The following CD96 variants were observed in gnomAD, a reference collection of about 807,000 sequenced individuals.
CD96 encodes CD96 molecule.
In CD96, 70 loss-of-function variants were observed where a neutral mutation model predicts 71.3. That is an observed-to-expected ratio of 0.98 (90% confidence interval 0.81 to 1.20). The LOEUF (loss-of-function observed/expected upper bound fraction) is 1.20, where lower values mean the gene tolerates loss of function less well. CD96 is among the 50% of genes most tolerant of loss of function. CD96 has a pLI of 0.00. For missense variants in CD96, 742 were observed against 677.5 expected (o/e 1.10, Z -1.06); for synonymous variants, 248 against 233.0 (o/e 1.06, Z -0.59).
At chr3:111,570,989 G>A in intron 3 of CD96, 1 of 1,494,458 alleles carries the variant, frequency 6.7e-7, no homozygotes, top group Non-Finnish European at 9.3e-7. Context: ...AAAGCTGGGA[G>A]GGCATCTCCT....
chr3:111,623,395 C>A (rs1341036837), intron 8 of CD96, among the ~76,000 whole-genome samples: 2 of 152,076 alleles, frequency 1.3e-5, no homozygotes, highest in African/African-American at 4.8e-5. Context: ...TGTGAAAATT[C>A]ACTATAAGGT....
At chr3:111,617,847 A>T (rs1008657323) in intron 8 of CD96, among the ~76,000 whole-genome samples, 1 of 152,224 alleles carries the variant, frequency 6.6e-6, no homozygotes, top group Non-Finnish European at 1.5e-5. Context: ...AGAAGGAGAG[A>T]AGAGCTGTGG....
intron 12 of CD96, among the ~76,000 whole-genome samples, chr3:111,639,345 G>C (rs1292340754): frequency 6.6e-6 from 1 of 151,860 alleles, no homozygotes; most frequent in Non-Finnish European, 1.5e-5. Context: ...GGTGAGGCCT[G>C]TGACTGCCGG....
intron 2 of CD96, among the ~76,000 whole-genome samples, chr3:111,550,235 C>A (rs1934628293): frequency 6.6e-6 from 1 of 152,014 alleles, no homozygotes; most frequent in Non-Finnish European, 1.5e-5. Context: ...TATCACCTAA[C>A]AGGAACTGTT....
Position 111,650,072 on chromosome 3 carries a change from T to C in CD96, c.*266T>C, listed in dbSNP as rs1940010369. 1 of 449,912 alleles carries C rather than the reference T, an allele frequency of 2.2e-6. No homozygotes were observed. The highest frequency in any genetic ancestry group is 3.4e-5 in the Admixed American group (1 of 29,354). The allele number at this position is 449,912 out of a possible 1,614,324, so 27.9% of individuals were successfully genotyped here. ...TGCTTATGTAAGAAGTACATATTAG[T>C]CTGCCATCTTTAAAAAAAAATACAG... On this transcript the variant is annotated 3_prime_UTR_variant, in exon 14 of 14. Coordinates refer to ENST00000352690, the MANE Select transcript of CD96 (RefSeq NM_005816.5).
chr3:111,607,678 G>T (rs1937686874), intron 8 of CD96, among the ~76,000 whole-genome samples: 1 of 152,154 alleles, frequency 6.6e-6, no homozygotes, highest in Non-Finnish European at 1.5e-5. Context: ...AATTCCTTTG[G>T]CTGGTAACCT....
chr3:111,620,849 G>T (rs1268014523), intron 8 of CD96, among the ~76,000 whole-genome samples: 3 of 152,186 alleles, frequency 2.0e-5, no homozygotes, highest in Non-Finnish European at 4.4e-5. Flanking sequence ...CCCCCAACAA[G>T]GTCCCTAAAT....
chr3:111,561,953 G>C (rs1433504258), intron 2 of CD96, among the ~76,000 whole-genome samples: 14 of 151,580 alleles, frequency 9.2e-5, no homozygotes, highest in Non-Finnish European at 1.5e-4. Context: ...CAATATTCGG[G>C]TGGGAGTGAC....
rs148037933 is a variant in CD96 at position 111,569,874 on chromosome 3, C to G, written c.543+2227C>G. On this transcript the variant is annotated intron_variant, in intron 3 of 13. Coordinates refer to ENST00000352690, the MANE Select transcript of CD96 (RefSeq NM_005816.5). ...ACCCCCAATCCAGATGACCCACTTT[C>G]CTCCGAAGGGGGACGTTTAGGTCCT... 2.5e-3 allele frequency among the ~76,000 whole-genome samples: 381 copies of G among 152,356 alleles called. 1 individual carries two copies. Among genetic ancestry groups the G allele is most frequent in the African/African-American group, 8.7e-3 (362 of 41,582 alleles).
chr3:111,622,887 C>A (rs180960692), intron 8 of CD96, among the ~76,000 whole-genome samples: 2 of 152,176 alleles, frequency 1.3e-5, no homozygotes, highest in South Asian at 4.1e-4. Flanking sequence ...CCAGAAAGGT[C>A]AGACCAAATG....
chr3:111,553,449 T>C (rs953541682), intron 2 of CD96, among the ~76,000 whole-genome samples: 2 of 98,888 alleles, frequency 2.0e-5, no homozygotes, highest in African/African-American at 7.9e-5. Flanking sequence ...TTTTTTTTTT[T>C]GGCAAGACTA....
intron 8 of CD96, among the ~76,000 whole-genome samples, chr3:111,621,423 T>C (rs931710583): frequency 6.6e-6 from 1 of 152,214 alleles, no homozygotes; most frequent in Non-Finnish European, 1.5e-5. Flanking sequence ...TATCTCTCAG[T>C]ATCTCACAGT....
At chr3:111,665,317 A>C (rs1312723104) in intron 14 of CD96, among the ~76,000 whole-genome samples, 1 of 152,132 alleles carries the variant, frequency 6.6e-6, no homozygotes, top group Non-Finnish European at 1.5e-5. Flanking sequence ...AAGATTCTTA[A>C]TTTGACTCAA....
intron 5 of CD96, among the ~76,000 whole-genome samples, chr3:111,597,108 G>T (rs940608344): frequency 6.6e-6 from 1 of 152,116 alleles, no homozygotes; most frequent in African/African-American, 2.4e-5. Flanking sequence ...ACATTTAATT[G>T]TTCTTTACAT....
At position 111,626,782 on chromosome 3, in the gene CD96, C is replaced by T. The variant is rs115144689; in HGVS notation, c.1321+2378C>T. 2.3e-3 allele frequency among the ~76,000 whole-genome samples: 343 copies of T among 152,182 alleles called. 1 individual carries two copies. Among genetic ancestry groups the T allele is most frequent in the African/African-American group, 8.0e-3 (333 of 41,530 alleles). On this transcript the variant is annotated intron_variant, in intron 10 of 13. Coordinates refer to ENST00000352690, the MANE Select transcript of CD96 (RefSeq NM_005816.5). Reference sequence around the variant, plus strand: ...AGTGAATGGCAACCATATACAACAGCATGAATGAATCTTAATAACATTATG... The same window carrying T: ...AGTGAATGGCAACCATATACAACAGTATGAATGAATCTTAATAACATTATG...
rs768388611 is a variant in CD96, at chr3:111,638,094, G to T, written c.1403G>T (p.Ser468Ile). Residue 468 changes from serine to isoleucine, a missense_variant, in exon 12 of 14, where the codon AGC becomes ATC. Transcript: ENST00000352690. ...GSTLHDNVFT[S>I]TARAFSEVPT... Reference sequence around the variant, plus strand: ...ATATCCCTAGACAATGTCTTTACCAGCACAGCCAGAGCATTTTCAGAAGTC... The same window carrying T: ...ATATCCCTAGACAATGTCTTTACCATCACAGCCAGAGCATTTTCAGAAGTC... 6.2e-7 allele frequency: 1 copy of T among 1,605,398 alleles called. No individual in the cohort carries two copies. Among genetic ancestry groups the T allele is most frequent in the South Asian group, 1.1e-5 (1 of 90,900 alleles).
At chr3:111,616,981 C>G (rs1477431858) in intron 8 of CD96, among the ~76,000 whole-genome samples, 1 of 152,204 alleles carries the variant, frequency 6.6e-6, no homozygotes, top group Non-Finnish European at 1.5e-5. Flanking sequence ...CCAGCACCTG[C>G]TCCAATTTCA....
intron 8 of CD96, among the ~76,000 whole-genome samples, chr3:111,618,417 G>A (rs1938351658): frequency 6.6e-6 from 1 of 152,162 alleles, no homozygotes. Flanking sequence ...AAATGTGAAA[G>A]TGCATAAAAA....
rs146191758 is a variant in CD96 at position 111,642,469 on chromosome 3, C to T, written c.1477+4301C>T. Reference sequence around the variant, plus strand: ...GGAAAAATTAGATACCCTAAACAGACCAATAAGAAGCAGCGAGATTGAAAT... The same window carrying T: ...GGAAAAATTAGATACCCTAAACAGATCAATAAGAAGCAGCGAGATTGAAAT... On this transcript the variant is annotated intron_variant, in intron 12 of 13. Coordinates refer to ENST00000352690, the MANE Select transcript of CD96 (RefSeq NM_005816.5). Among the ~76,000 whole-genome samples, 1,290 of 152,236 alleles carry T rather than the reference C, an allele frequency of 8.5e-3. 5 individuals carry two copies. Among genetic ancestry groups the T allele is most frequent in the Non-Finnish European group, 0.012 (838 of 68,016 alleles).
Sources: allele counts gnomAD v4.1 joint callset (sites outside exome capture counted in the v4.1 genomes callset), GRCh38; gene constraint gnomAD v4.1.1; transcripts MANE v1.5; gene names NCBI Gene and HGNC (gene_info 2026-07-23, HGNC 2026-07-21).